Variants in SRRM1 observed in about 807,000 individuals in gnomAD.
The protein encoded by SRRM1 is serine and arginine repetitive matrix 1.
A neutral mutation model predicts 110.2 loss-of-function variants in SRRM1; 19 were observed. That is an observed-to-expected ratio of 0.17 (90% CI 0.12 to 0.25). The LOEUF (loss-of-function observed/expected upper bound fraction) is 0.25, where lower values mean the gene tolerates loss of function less well. Among genes scored for constraint, SRRM1 ranks in the 10% least tolerant of loss-of-function variants. The probability of loss-of-function intolerance (pLI) is 1.00; values close to 1 mark genes in which losing one functional copy is unlikely to be tolerated. For missense variants in SRRM1, 918 were observed against 1,145.8 expected, an observed-to-expected ratio of 0.80 and a Z score of 2.87; for synonymous variants, 443 against 414.9, an observed-to-expected ratio of 1.07 and a Z score of -0.82.
chr1:24,648,982 C>T lies in SRRM1; in HGVS notation c.358C>T (p.Pro120Ser). Residue 120 changes from proline (P) to serine (S), a missense_variant, in exon 4 of 17, where the codon CCT becomes TCT. Coordinates refer to ENST00000323848, the MANE Select transcript of SRRM1 (RefSeq NM_005839.4). ...TGCACAAGAAAACATCGCGGGAATC[C>T]CTTCTGCTTTCCTAGAACTGAAGAA... ...LSAQENIAGI[P>S]SAFLELKKEE... is the part of the protein sequence containing the mutation. The T allele has an allele frequency of 1.9e-6, 3 of 1,613,940 alleles. No individual in the cohort carries two copies. The highest frequency in any genetic ancestry group is 2.5e-6 in the Non-Finnish European group (3 of 1,179,938).
chr1:24,658,708 G>A (rs1236900696), intron 9 of SRRM1, among the ~76,000 whole-genome samples: 5 of 152,076 alleles, frequency 3.3e-5, no homozygotes, highest in Non-Finnish European at 7.4e-5. Flanking sequence ...TAAAAATAGA[G>A]AATATGGACT....
At chr1:24,666,013 T>TTA (rs1469823969) in intron 12 of SRRM1, among the ~76,000 whole-genome samples, 1 of 152,170 alleles carries the variant, frequency 6.6e-6, no homozygotes, top group Non-Finnish European at 1.5e-5. Context: ...TGAATTTCTG[T>TTA]ATTAGAGTCT....
chr1:24,662,930 C>G, intron 12 of SRRM1, 126 bp downstream of exon 12: 1 of 1,308,006 alleles, frequency 7.6e-7, no homozygotes, highest in Non-Finnish European at 1.0e-6. Flanking sequence ...TTTTTGTTTG[C>G]TTTTTAGGGT....
At chr1:24,652,029 A>AATATATATATATATATGTATAT in intron 6 of SRRM1, among the ~76,000 whole-genome samples, 1 of 79,868 alleles carries the variant, frequency 1.3e-5, no homozygotes, top group African/African-American at 4.2e-5. Flanking sequence ...CTGTACTAAA[A>AATATATATATATATATGTATAT]ATATATATAT....
At chr1:24,646,899 GTT>G in intron 3 of SRRM1, 110 bp downstream of exon 3, 1 of 883,386 alleles carries the variant, frequency 1.1e-6, no homozygotes, top group Non-Finnish European at 1.6e-6. Flanking sequence ...ATTTTACAAT[GTT>G]TGTTGTGAAA....
intron 8 of SRRM1, 44 bp downstream of exon 8, chr1:24,653,076 T>C (rs1013748573): frequency 1.9e-6 from 3 of 1,571,936 alleles, no homozygotes; most frequent in African/African-American, 2.7e-5. Flanking sequence ...TTGACACTTC[T>C]GGATAATCTT....
Position 24,660,759 on chromosome 1 carries a change from A to G in SRRM1, c.1356A>G (p.Ser452=). 3.8e-6 allele frequency: 6 copies of G among 1,593,856 alleles called. No homozygotes were observed. Among genetic ancestry groups the G allele is most frequent in the Non-Finnish European group, 4.3e-6 (5 of 1,171,734 alleles). ...GTACTGAGAAAAGAGAATCCCCTTC[A>G]CCAGCACCGAAGCCTAGAAAAGTAG... ...HKGTEKRESP[S]PAPKPRKVEL... Residue 452 remains serine (S), a synonymous_variant, in exon 10 of 17, where the codon TCA becomes TCG. Coordinates refer to ENST00000323848, the MANE Select transcript of SRRM1 (RefSeq NM_005839.4).
Position 24,670,263 on chromosome 1 carries a change from C to T in SRRM1, c.2348C>T (p.Ala783Val), listed in dbSNP as rs775907534. 1.2e-6 allele frequency: 2 copies of T among 1,614,094 alleles called. No individual in the cohort carries two copies. The highest frequency in any genetic ancestry group is 1.7e-5 in the Admixed American group (1 of 60,006). ...TCACCGTCTACAAACTGGTCACCAG[C>T]TGTACCGGTCAAAAAGGCCAAAAGC... is the stretch of plus-strand genomic sequence containing the variant. ...SQSPSTNWSP[A>V]VPVKKAKSPT... The change falls in exon 15 of 17, where the codon GCT becomes GTT. Residue 783 changes from alanine to valine, a missense_variant. By Grantham distance (64) the Ala-to-Val change is moderately conservative (BLOSUM62 0). Coordinates refer to ENST00000323848, the MANE Select transcript of SRRM1 (RefSeq NM_005839.4).
intron 12 of SRRM1, 61 bp downstream of exon 12, chr1:24,662,865 C>T (rs1667987550): frequency 6.4e-7 from 1 of 1,574,160 alleles, no homozygotes; most frequent in Non-Finnish European, 8.7e-7. Context: ...AATTTGATAA[C>T]TTGGGATTAT....
chr1:24,672,107 C>A, intron 16 of SRRM1, 75 bp from the exon 17 acceptor site: 2 of 1,188,338 alleles, frequency 1.7e-6, no homozygotes, highest in Non-Finnish European at 2.4e-6. Flanking sequence ...CCCTCCCACA[C>A]TTTGATTCTG....
At chr1:24,649,058 G>A (rs374349290) in intron 4 of SRRM1, 29 bp downstream of exon 4, 11 of 1,599,748 alleles carry the variant, frequency 6.9e-6, no homozygotes, top group East Asian at 4.5e-5. Context: ...CTGTAATGTC[G>A]ATTTGAGAGT....
chr1:24,643,645 G>A lies in SRRM1; in HGVS notation c.21+298G>A, dbSNP rs1157636568. 1.0e-5 allele frequency: 4 copies of A among 383,794 alleles called. No homozygotes were observed. In the Admixed American group the frequency reaches 1.4e-4, roughly 13 times the overall value. The allele number at this position is 383,794 out of a possible 1,614,324, so 23.8% of individuals were successfully genotyped here. ...CCCGCCTGCCTGGCGGGGCCTGCAG[G>A]CCGAGCGCCGTGCGTGCCGCCGGGT... On this transcript the variant is annotated intron_variant, in intron 1 of 16. Coordinates refer to ENST00000323848, the MANE Select transcript of SRRM1 (RefSeq NM_005839.4).
At chr1:24,663,660 C>T (rs888623602) in intron 12 of SRRM1, among the ~76,000 whole-genome samples, 9 of 151,838 alleles carry the variant, frequency 5.9e-5, no homozygotes, top group African/African-American at 1.5e-4. Flanking sequence ...GAGAGGATCA[C>T]GAGGTCAGGA....
intron 1 of SRRM1, among the ~76,000 whole-genome samples, chr1:24,643,930 T>C (rs1655560101): frequency 6.6e-6 from 1 of 151,870 alleles, no homozygotes; most frequent in Non-Finnish European, 1.5e-5. Flanking sequence ...TCCCGCCCAA[T>C]TTGATATCCC....
intron 13 of SRRM1, 61 bp downstream of exon 13, chr1:24,666,986 C>G (rs1423159206): frequency 1.0e-6 from 1 of 993,372 alleles, no homozygotes; most frequent in Admixed American, 2.3e-5. Context: ...CTGATAACAT[C>G]AGATGAGTAA....
chr1:24,657,413 A>G (rs540644775), intron 9 of SRRM1, among the ~76,000 whole-genome samples: 24 of 152,328 alleles, frequency 1.6e-4, no homozygotes, highest in Non-Finnish European at 1.3e-4. Flanking sequence ...CTCTTCTTTG[A>G]TTGCTAAAGG....
chr1:24,665,930 C>CA (rs1470570908), intron 12 of SRRM1, among the ~76,000 whole-genome samples: 10 of 151,722 alleles, frequency 6.6e-5, no homozygotes, highest in South Asian at 2.1e-4. Flanking sequence ...CTGTCCTGGG[C>CA]AAAAAAAATT....
intron 3 of SRRM1, chr1:24,647,388 T>G (rs1373416810): frequency 6.6e-6 from 1 of 152,506 alleles, no homozygotes; most frequent in African/African-American, 2.4e-5. Context: ...ACTAAGGTCT[T>G]TGTAGCTGCA....
chr1:24,671,339 A>T (rs1672644462), intron 15 of SRRM1, 47 bp from the exon 16 acceptor site: 1 of 1,496,150 alleles, frequency 6.7e-7, no homozygotes, highest in Non-Finnish European at 9.1e-7. Flanking sequence ...ACAGAATATT[A>T]ATCAGATTGA....
Sources: gnomAD v4.1 joint callset for allele counts (sites outside exome capture counted in the v4.1 genomes callset) on GRCh38, gnomAD v4.1.1 for gene constraint, MANE v1.5 for transcripts, NCBI Gene and HGNC (gene_info 2026-07-23, HGNC 2026-07-21) for gene names.